ITGA11: variants seen among roughly 807,000 people sequenced by gnomAD.
ITGA11 encodes integrin subunit alpha 11, also known as integrin alpha-11.
ITGA11 carries 97 observed loss-of-function variants against 141.9 expected under a neutral mutation model. The ratio of observed to expected loss-of-function variants is 0.68; its 90% CI spans 0.58 to 0.81. ITGA11 has a LOEUF of 0.81. Ranked by LOEUF, ITGA11 falls within the 30% of genes least tolerant of loss-of-function variation. The pLI is 0.00. For missense variants in ITGA11, 1,387 were observed against 1,559.2 expected (o/e 0.89, Z 1.86); for synonymous variants, 658 against 624.6 (o/e 1.05, Z -0.80).
At chr15:68,380,387 A>G (rs1432543495) in intron 2 of ITGA11, among the ~76,000 whole-genome samples, 1 of 152,188 alleles carries the variant, frequency 6.6e-6, no homozygotes, top group Non-Finnish European at 1.5e-5. Flanking sequence ...AGGGACTTGG[A>G]CACATTCTGT....
rs111328450 is a variant in ITGA11 at position 68,336,742 on chromosome 15, G to A, written c.1277-897C>T. Reference sequence around the variant, plus strand: ...TTGACAGTTCCTGGGCTGTTTCTGGGGAACAGATGTCCCCTGCAATGCACG... The same window carrying A: ...TTGACAGTTCCTGGGCTGTTTCTGGAGAACAGATGTCCCCTGCAATGCACG... On this transcript the variant is annotated intron_variant, in intron 11 of 29. Coordinates refer to ENST00000315757, the MANE Select transcript of ITGA11 (RefSeq NM_001004439.2). Among the ~76,000 whole-genome samples the A allele has an allele frequency of 2.3e-3, 352 of 152,310 alleles. 2 individuals carry two copies. Among genetic ancestry groups the A allele is most frequent in the African/African-American group, 8.1e-3 (338 of 41,574 alleles).
At chr15:68,398,664 T>C (rs1277527160) in intron 2 of ITGA11, among the ~76,000 whole-genome samples, 1 of 148,054 alleles carries the variant, frequency 6.8e-6, no homozygotes, top group Non-Finnish European at 1.5e-5. Flanking sequence ...TAAAAATATT[T>C]TATTTCTAAT....
At chr15:68,346,718 G>A (rs941151179) in intron 10 of ITGA11, among the ~76,000 whole-genome samples, 1 of 152,214 alleles carries the variant, frequency 6.6e-6, no homozygotes, top group Non-Finnish European at 1.5e-5. Context: ...ACCCAGGACT[G>A]CTGAAATCCG....
intron 1 of ITGA11, among the ~76,000 whole-genome samples, chr15:68,405,141 A>G (rs887169825): frequency 2.1e-5 from 2 of 93,758 alleles, no homozygotes; most frequent in African/African-American, 8.2e-5. Flanking sequence ...GAAACAAGTT[A>G]TTTTTCCCAC....
At chr15:68,367,676 C>G (rs887229109) in intron 3 of ITGA11, among the ~76,000 whole-genome samples, 3 of 152,146 alleles carry the variant, frequency 2.0e-5, no homozygotes, top group African/African-American at 7.2e-5. Flanking sequence ...CCCACCATAT[C>G]CCCAATAAAT....
At chr15:68,360,229 A>G (rs764181907) in intron 5 of ITGA11, among the ~76,000 whole-genome samples, 3 of 152,220 alleles carry the variant, frequency 2.0e-5, no homozygotes, top group Non-Finnish European at 4.4e-5. Context: ...GGAGCTCTGC[A>G]TGGTGCAGGC....
chr15:68,321,371 C>A lies in ITGA11; in HGVS notation c.2408+47G>T. On this transcript the variant is annotated intron_variant, in intron 19 of 29. Coordinates refer to ENST00000315757, the MANE Select transcript of ITGA11 (RefSeq NM_001004439.2). This position sits in a 1 kb window ranked among gnomAD's most constrained non-coding sequence, Gnocchi z 4.9. ...GCCCCAGGAGCCCCAGAGCCTCTGG[C>A]AGTGAAGGGGAAGGGGCGAGGGTGG... 2.4e-6 allele frequency: 3 copies of A among 1,241,512 alleles called. No homozygotes were observed. Among genetic ancestry groups the A allele is most frequent in the South Asian group, 2.9e-5 (2 of 67,848 alleles). The allele number at this position is 1,241,512 out of a possible 1,614,324, so 76.9% of individuals were successfully genotyped here. A position where few individuals can be genotyped will look rare whatever the true frequency, so the allele number is the denominator to read the frequency against.
intron 7 of ITGA11, among the ~76,000 whole-genome samples, chr15:68,356,668 A>G (rs778140389): frequency 2.6e-5 from 4 of 152,202 alleles, no homozygotes; most frequent in Non-Finnish European, 4.4e-5. Context: ...TTCCCCTTGA[A>G]TCTGGCCTGG....
intron 1 of ITGA11, among the ~76,000 whole-genome samples, chr15:68,425,694 T>C (rs1897126864): frequency 6.6e-6 from 1 of 152,216 alleles, no homozygotes; most frequent in Non-Finnish European, 1.5e-5. Flanking sequence ...TATCTAGAGC[T>C]ACGCCCACTT....
chr15:68,365,313 A>G (rs1895384335), intron 3 of ITGA11: 2 of 985,264 alleles, frequency 2.0e-6, no homozygotes, highest in African/African-American at 1.7e-5. Context: ...AACAGAGCCA[A>G]CTCAACGAGA....
At chr15:68,316,022 C>T (rs1893563552) in intron 21 of ITGA11, among the ~76,000 whole-genome samples, 2 of 152,230 alleles carry the variant, frequency 1.3e-5, no homozygotes, top group African/African-American at 2.4e-5. Flanking sequence ...AAAAGGCAAC[C>T]AGAAAGCAGC....
chr15:68,358,636 T>A (rs1895147707), intron 5 of ITGA11, 51 bp from the exon 6 acceptor site: 1 of 1,552,020 alleles, frequency 6.4e-7, no homozygotes, highest in Non-Finnish European at 8.7e-7. Flanking sequence ...TGTCTGCGAG[T>A]CTCTGATTCT....
At chr15:68,364,618 G>T in intron 4 of ITGA11, 89 bp downstream of exon 4, 1 of 999,386 alleles carries the variant, frequency 1.0e-6, no homozygotes, top group Non-Finnish European at 1.6e-6. Flanking sequence ...TGTACAGGAT[G>T]GACATGAGGG....
rs771317035 is a variant in ITGA11 at position 68,303,842 on chromosome 15, A to T, written c.3425T>A (p.Ile1142Asn). The change falls in exon 29 of 30, where the codon ATC (isoleucine) becomes AAC (asparagine). Residue 1142 changes from isoleucine (I) to asparagine (N), a missense_variant. By Grantham distance (149) the Ile-to-Asn change is moderately radical. Transcript: ENST00000315757. This position sits in a 1 kb window ranked among gnomAD's most constrained non-coding sequence, Gnocchi z 5.3. ...CAGGGTGCTGCCTACAATGATCCAG[A>T]TGGGGACCTGCCAGTCCTCTTGCTT... ...ISKQEDWQVP[I>N]WIIVGSTLGG... 2 of 1,613,018 alleles carry T rather than the reference A, an allele frequency of 1.2e-6. No homozygotes were observed. The highest frequency in any genetic ancestry group is 1.7e-6 in the Non-Finnish European group (2 of 1,179,398).
In ITGA11 at chr15:68,300,842, C is replaced by G. The variant is rs1246989633; in HGVS notation, c.*2217G>C. 6.6e-6 allele frequency: 1 copy of G among 152,150 alleles called. No homozygotes were observed. The highest frequency in any genetic ancestry group is 2.1e-4 in the South Asian group (1 of 4,828). 9.4% of individuals were successfully genotyped at this position (152,150 alleles called of 1,614,324 possible). A position where few individuals can be genotyped will look rare whatever the true frequency, so the allele number is the denominator to read the frequency against. ...CATTCTGTTTGGCCTGCAGTGTGGTCACAGGTGGCAGTTTTTAAAAATATG... is the reference window on the plus strand; with the variant it reads ...CATTCTGTTTGGCCTGCAGTGTGGTGACAGGTGGCAGTTTTTAAAAATATG... On this transcript the variant is annotated 3_prime_UTR_variant, in exon 30 of 30. Coordinates refer to ENST00000315757, the MANE Select transcript of ITGA11 (RefSeq NM_001004439.2).
chr15:68,313,715 T>A, intron 23 of ITGA11, 64 bp downstream of exon 23: 1 of 1,299,252 alleles, frequency 7.7e-7, no homozygotes, highest in South Asian at 1.3e-5. Flanking sequence ...ATGCCCCCCC[T>A]TAGGCCTCCC....
chr15:68,303,930 G>A lies in ITGA11; in HGVS notation c.3382-45C>T. 1 of 1,330,974 alleles carries A rather than the reference G, an allele frequency of 7.5e-7. No homozygotes were observed. The highest frequency in any genetic ancestry group is 1.1e-6 in the Non-Finnish European group (1 of 927,908). The allele number at this position is 1,330,974 out of a possible 1,614,324, so 82.4% of individuals were successfully genotyped here. ...GGGCCAACAGCATTACTCTTCTGGG[G>A]CTGGGGTGGCAGTCTGGGAGGGGCA... On this transcript the variant is annotated intron_variant, in intron 28 of 29. Transcript: ENST00000315757. This position sits in a 1 kb window ranked among gnomAD's most constrained non-coding sequence, Gnocchi z 5.3.
intron 11 of ITGA11, among the ~76,000 whole-genome samples, chr15:68,337,049 T>C (rs1185019971): frequency 6.6e-6 from 1 of 152,134 alleles, no homozygotes; most frequent in African/African-American, 2.4e-5. Context: ...TATGGGTGGG[T>C]GGGCTTAGCC....
chr15:68,316,686 C>T (rs1471875991), intron 21 of ITGA11, among the ~76,000 whole-genome samples: 1 of 152,240 alleles, frequency 6.6e-6, no homozygotes, highest in Non-Finnish European at 1.5e-5. Flanking sequence ...TGGCTCCTGC[C>T]ACAGCTCCTC....
Sources: gnomAD v4.1 joint callset for allele counts (sites outside exome capture counted in the v4.1 genomes callset) on GRCh38, gnomAD v4.1.1 for gene constraint, Gnocchi (gnomAD v3.1) non-coding constraint, MANE v1.5 for transcripts, NCBI Gene and HGNC (gene_info 2026-07-23, HGNC 2026-07-21) for gene names.